Variants in NCOA6 observed in about 807,000 individuals in gnomAD.
NCOA6 encodes the protein NRC RAP250.
In NCOA6, 49 loss-of-function variants were observed where a neutral mutation model predicts 171.4. That is an observed-to-expected ratio of 0.29 (90% CI 0.23 to 0.36). NCOA6 has a LOEUF of 0.36. Ranked by LOEUF, NCOA6 falls within the 10% of genes least tolerant of loss-of-function variation. The pLI is 1.00. For synonymous variants in NCOA6, 910 were observed against 927.5 expected, an observed-to-expected ratio of 0.98 and a Z score of 0.34; for missense variants, 2,248 against 2,554.5, an observed-to-expected ratio of 0.88 and a Z score of 2.59.
At chr20:34,778,280 A>T in intron 3 of NCOA6, among the ~76,000 whole-genome samples, 1 of 152,202 alleles carries the variant, frequency 6.6e-6, no homozygotes, top group Middle Eastern at 3.2e-3. Context: ...ACGCTAAGCG[A>T]AATAAGCCAG....
At chr20:34,782,994 T>A (rs888119865) in intron 2 of NCOA6, among the ~76,000 whole-genome samples, 1 of 152,146 alleles carries the variant, frequency 6.6e-6, no homozygotes, top group African/African-American at 2.4e-5. Flanking sequence ...AATTCTTATA[T>A]GAAAGGGCTG....
chr20:34,745,708 G>A (rs2076281095), intron 10 of NCOA6, among the ~76,000 whole-genome samples: 1 of 152,182 alleles, frequency 6.6e-6, no homozygotes, highest in Non-Finnish European at 1.5e-5. Flanking sequence ...TGTACACACA[G>A]GGGAGAGTGG....
At chr20:34,761,054 T>C (rs2076801188) in intron 5 of NCOA6, among the ~76,000 whole-genome samples, 1 of 152,084 alleles carries the variant, frequency 6.6e-6, no homozygotes, top group Non-Finnish European at 1.5e-5. Flanking sequence ...AACCCCTGTC[T>C]CTAGTAAAAA....
intron 5 of NCOA6, among the ~76,000 whole-genome samples, chr20:34,764,846 G>A (rs2145916468): frequency 6.6e-6 from 1 of 152,018 alleles, no homozygotes; most frequent in East Asian, 1.9e-4. Context: ...TGGTGCGGTG[G>A]CTCACACCTG....
chr20:34,812,824 T>G (rs777933079), intron 1 of NCOA6, among the ~76,000 whole-genome samples: 1 of 151,974 alleles, frequency 6.6e-6, no homozygotes, highest in Non-Finnish European at 1.5e-5. Flanking sequence ...GAGACCACCC[T>G]GGGCAACATA....
rs555033200 is a variant in NCOA6 at position 34,786,341 on chromosome 20, T to C, written c.-49-3937A>G. On this transcript the variant is annotated intron_variant, in intron 2 of 14. Coordinates refer to ENST00000359003, the MANE Select transcript of NCOA6 (RefSeq NM_014071.5). ...TTTTGAAGGGTTTTTCACATCTCTA[T>C]CTCCTTCAGTTCAGCTCTATTCTTG... Among the ~76,000 whole-genome samples the C allele has an allele frequency of 1.2e-4, 19 of 152,314 alleles. No individual in the cohort carries two copies. The South Asian group carries it at 2.3e-3, about 18-fold the overall frequency.
chr20:34,737,776 C>T (rs1258195095), intron 11 of NCOA6, among the ~76,000 whole-genome samples: 1 of 152,192 alleles, frequency 6.6e-6, no homozygotes, highest in East Asian at 1.9e-4. Flanking sequence ...TATTTCCCTC[C>T]CTGCTTAGCA....
At chr20:34,767,955 T>A (rs533708444) in intron 5 of NCOA6, among the ~76,000 whole-genome samples, 1 of 152,168 alleles carries the variant, frequency 6.6e-6, no homozygotes, top group Non-Finnish European at 1.5e-5. Context: ...GAGTTCAATC[T>A]CTGAAGAAGA....
At chr20:34,736,418 TG>T (rs2075959896) in intron 12 of NCOA6, among the ~76,000 whole-genome samples, 1 of 152,166 alleles carries the variant, frequency 6.6e-6, no homozygotes, top group Non-Finnish European at 1.5e-5. Context: ...AACCCATGGC[TG>T]GGTGGCAGAC....
In NCOA6 at chr20:34,736,709, C is replaced by T. The variant is rs2075970169; in HGVS notation, c.5943G>A (p.Gln1981=). ...VSKETSTTAL[Q]ASVARPELEV... Reference sequence around the variant, plus strand: ...CCTTACCTGGTCTGGCAACAGAGGCCTGCAGTGCTGTGGTTGAAGTTTCCT... The same window carrying T: ...CCTTACCTGGTCTGGCAACAGAGGCTTGCAGTGCTGTGGTTGAAGTTTCCT... Residue 1981 remains glutamine (Q), a synonymous_variant, in exon 12 of 15, where the codon CAG becomes CAA. Transcript: ENST00000359003. 2 of 1,610,400 alleles carry T rather than the reference C, an allele frequency of 1.2e-6. No individual in the cohort carries two copies. The highest frequency in any genetic ancestry group is 1.3e-5 in the African/African-American group (1 of 74,920).
At chr20:34,801,133 G>A (rs1314511262) in intron 1 of NCOA6, among the ~76,000 whole-genome samples, 2 of 151,968 alleles carry the variant, frequency 1.3e-5, no homozygotes, top group Non-Finnish European at 2.9e-5. Flanking sequence ...AAATTAAGGA[G>A]GAAATTGGAA....
intron 1 of NCOA6, among the ~76,000 whole-genome samples, chr20:34,816,654 C>T (rs555844077): frequency 6.6e-6 from 1 of 152,128 alleles, no homozygotes; most frequent in South Asian, 2.1e-4. Flanking sequence ...CCCACCTTGG[C>T]CTCCTAAAGT....
intron 11 of NCOA6, among the ~76,000 whole-genome samples, chr20:34,739,812 A>G (rs906051272): frequency 1.3e-5 from 2 of 152,238 alleles, no homozygotes; most frequent in Non-Finnish European, 2.9e-5. Context: ...AAAAACTTAT[A>G]TAAATGAAAG....
rs373266097 is a variant in NCOA6 at position 34,740,484 on chromosome 20, G to T, written c.5772C>A (p.Ser1924=). ...VRSIVTTLVP[S]ELISAVPTTK... Reference sequence around the variant, plus strand: ...TGGTCGGTACGGCGGAGATGAGCTCGGAGGGTACCAGAGTGGTTACTATCG... The same window carrying T: ...TGGTCGGTACGGCGGAGATGAGCTCTGAGGGTACCAGAGTGGTTACTATCG... Residue 1924 remains serine, a synonymous_variant, in exon 11 of 15, where the codon TCC becomes TCA. Coordinates refer to ENST00000359003, the MANE Select transcript of NCOA6 (RefSeq NM_014071.5). 1.2e-6 allele frequency: 2 copies of T among 1,614,188 alleles called. No individual in the cohort carries two copies. The highest frequency in any genetic ancestry group is 3.3e-5 in the Admixed American group (2 of 60,028).
chr20:34,786,377 G>C (rs1223243290), intron 2 of NCOA6, among the ~76,000 whole-genome samples: 1 of 151,918 alleles, frequency 6.6e-6, no homozygotes, highest in Non-Finnish European at 1.5e-5. Context: ...GTTATTTCTT[G>C]ATCTTTTGCT....
intron 4 of NCOA6, among the ~76,000 whole-genome samples, chr20:34,775,405 A>T (rs527706281): frequency 6.6e-6 from 1 of 152,126 alleles, no homozygotes; most frequent in South Asian, 2.1e-4. Flanking sequence ...GAAAATGAAC[A>T]CTGCGGGCCG....
Position 34,825,557 on chromosome 20 carries a change from T to A in NCOA6, c.-249A>T, listed in dbSNP as rs1310517326. 1 of 145,614 alleles carries A rather than the reference T, an allele frequency of 6.9e-6. No individual in the cohort carries two copies. The highest frequency in any genetic ancestry group is 1.5e-5 in the Non-Finnish European group (1 of 66,122). The allele number at this position is 145,614 out of a possible 1,614,324, so 9.0% of individuals were successfully genotyped here. A position where few individuals can be genotyped will look rare whatever the true frequency, so the allele number is the denominator to read the frequency against. On this transcript the variant is annotated 5_prime_UTR_variant, in exon 1 of 15. Transcript: ENST00000359003. ...CCGCCGCCCTCGGTGCGTCCGTCCGTCAGTCCTCGCGTGCGCCCGTCTGTC... is the reference window on the plus strand; with the variant it reads ...CCGCCGCCCTCGGTGCGTCCGTCCGACAGTCCTCGCGTGCGCCCGTCTGTC...
chr20:34,760,461 A>T (rs186998481), intron 5 of NCOA6, among the ~76,000 whole-genome samples: 10 of 152,364 alleles, frequency 6.6e-5, no homozygotes, highest in African/African-American at 2.4e-4. Context: ...CTTGAAGGGC[A>T]GATTTTGTGA....
chr20:34,746,979 A>G, intron 9 of NCOA6, 51 bp from the exon 10 acceptor site: 1 of 1,432,958 alleles, frequency 7.0e-7, no homozygotes, highest in South Asian at 1.4e-5. Context: ...TAAGTTGTAT[A>G]GAAAATACAC....
Sources: allele counts gnomAD v4.1 joint callset (sites outside exome capture counted in the v4.1 genomes callset), GRCh38; gene constraint gnomAD v4.1.1; transcripts MANE v1.5; gene names NCBI Gene and HGNC (gene_info 2026-07-23, HGNC 2026-07-21).